The following PLCG1 variants were observed in gnomAD, a reference collection of about 807,000 sequenced individuals.
The protein encoded by PLCG1 is phospholipase C gamma 1.
PLCG1 carries 71 observed loss-of-function variants against 177.8 expected under a neutral mutation model. The ratio of observed to expected loss-of-function variants is 0.40; its 90% CI spans 0.33 to 0.49. The LOEUF (loss-of-function observed/expected upper bound fraction) is 0.49, where lower values mean the gene tolerates loss of function less well. Ranked by LOEUF, PLCG1 falls within the 20% of genes least tolerant of loss-of-function variation. The pLI is 0.72. For synonymous variants in PLCG1, 658 were observed against 647.9 expected, an observed-to-expected ratio of 1.02 and a Z score of -0.24; for missense variants, 1,281 against 1,709.0, an observed-to-expected ratio of 0.75 and a Z score of 4.42.
intron 1 of PLCG1, among the ~76,000 whole-genome samples, chr20:41,158,280 G>C (rs2146028912): frequency 6.6e-6 from 1 of 152,240 alleles, no homozygotes; most frequent in East Asian, 1.9e-4. Flanking sequence ...CTGGGGTGGG[G>C]GCTGGCCAGG....
At position 41,163,051 on chromosome 20, in the gene PLCG1, G is replaced by T. The variant is rs1316201906; in HGVS notation, c.716+59G>T. The T allele has an allele frequency of 5.1e-6, 8 of 1,568,260 alleles. No individual in the cohort carries two copies. Among genetic ancestry groups the T allele is most frequent in the Admixed American group, 1.7e-5 (1 of 59,920 alleles). On this transcript the variant is annotated intron_variant, in intron 7 of 31. Coordinates refer to ENST00000685551, the MANE Select transcript of PLCG1 (RefSeq NM_002660.3). This position sits in a 1 kb window ranked among gnomAD's most constrained non-coding sequence, Gnocchi z 5.2. ...TGGGCCCCCTTCATCTCTCCACTGG[G>T]CGATTCTTGATCCAGGTGGGAGGCA...
At position 41,145,617 on chromosome 20, in the gene PLCG1, A is replaced by T. The variant is rs990844555; in HGVS notation, c.217+7759A>T. ...GCCACTCATCACACTTGCTTCCCAGAGCTTTGCTGGGTGTGCTGAAGTCTC... is the reference window on the plus strand; with the variant it reads ...GCCACTCATCACACTTGCTTCCCAGTGCTTTGCTGGGTGTGCTGAAGTCTC... On this transcript the variant is annotated intron_variant, in intron 1 of 31. Coordinates refer to ENST00000685551, the MANE Select transcript of PLCG1 (RefSeq NM_002660.3). Among the ~76,000 whole-genome samples, 34 of 152,030 alleles carry T rather than the reference A, an allele frequency of 2.2e-4. 1 individual carries two copies. The highest frequency in any genetic ancestry group is 8.2e-4 in the African/African-American group (34 of 41,440).
Position 41,144,741 on chromosome 20 carries a change from C to A in PLCG1, c.217+6883C>A, listed in dbSNP as rs1322082949. On this transcript the variant is annotated intron_variant, in intron 1 of 31. Transcript: ENST00000685551. This position sits in a 1 kb window ranked among gnomAD's most constrained non-coding sequence, Gnocchi z 4.1. ...AATTTGTCATACATTTGTTGTGGGCCTTGCTACTGTGTGTTGGGCACACTG... is the reference window on the plus strand; with the variant it reads ...AATTTGTCATACATTTGTTGTGGGCATTGCTACTGTGTGTTGGGCACACTG... Among the ~76,000 whole-genome samples the A allele has an allele frequency of 6.6e-6, 1 of 152,124 alleles. No homozygotes were observed. The highest frequency in any genetic ancestry group is 2.4e-5 in the African/African-American group (1 of 41,416).
intron 20 of PLCG1, 98 bp from the exon 21 acceptor site, chr20:41,168,669 A>G (rs1184464303): frequency 2.8e-6 from 2 of 722,100 alleles, no homozygotes; most frequent in Non-Finnish European, 5.0e-6. Flanking sequence ...GACCCCAGGC[A>G]GGGAAGCCCA....
Position 41,172,367 on chromosome 20 carries a change from C to T in PLCG1, c.2906-54C>T, listed in dbSNP as rs1046953497. ...TGCAAAAAGAGTATTTAGGTATCCC[C>T]CCAACACTTCCTGGGTGGGCGGGCT... On this transcript the variant is annotated intron_variant, in intron 25 of 31. Coordinates refer to ENST00000685551, the MANE Select transcript of PLCG1 (RefSeq NM_002660.3). This position sits in a 1 kb window ranked among gnomAD's most constrained non-coding sequence, Gnocchi z 7.0. 3.5e-5 allele frequency: 55 copies of T among 1,583,908 alleles called. No homozygotes were observed. The highest frequency in any genetic ancestry group is 4.3e-5 in the Non-Finnish European group (50 of 1,152,648).
Position 41,174,448 on chromosome 20 carries a change from A to G in PLCG1, c.3834-19A>G. ...CAAGGCCCTGCCTGCCAGTAAGGAC[A>G]CTCTTCCCTTCTGTCCAGGGCCCCA... On this transcript the variant is annotated intron_variant, in intron 31 of 31. Transcript: ENST00000685551. This position sits in a 1 kb window ranked among gnomAD's most constrained non-coding sequence, Gnocchi z 5.8. 2 of 1,591,764 alleles carry G rather than the reference A, an allele frequency of 1.3e-6. No homozygotes were observed. The highest frequency in any genetic ancestry group is 2.3e-5 in the South Asian group (2 of 88,310).
rs1166685113 is a variant in PLCG1, at chr20:41,163,444, C to A, written c.856C>A (p.Arg286=). The A allele has an allele frequency of 2.5e-6, 4 of 1,612,318 alleles. No individual in the cohort carries two copies. Among genetic ancestry groups the A allele is most frequent in the African/African-American group, 1.3e-5 (1 of 74,950 alleles). The change falls in exon 9 of 32, where the codon CGA becomes AGA. Residue 286 remains arginine, a synonymous_variant. Transcript: ENST00000685551. This position sits in a 1 kb window ranked among gnomAD's most constrained non-coding sequence, Gnocchi z 5.2. ...FMLSFLRDPL[R]EIEEPYFFLD... is the part of the protein sequence containing the mutation. ...GCTCAGCTTCCTCCGAGACCCCTTA[C>A]GAGAGATCGAGGAGCCATACTTCTT...
Position 41,167,639 on chromosome 20 carries a change from G to A in PLCG1, c.2302-213G>A, listed in dbSNP as rs1349629391. The A allele has an allele frequency of 3.5e-6, 2 of 576,684 alleles. No homozygotes were observed. The highest frequency in any genetic ancestry group is 1.9e-5 in the African/African-American group (1 of 53,274). 35.7% of individuals were successfully genotyped at this position (576,684 alleles called of 1,614,324 possible). ...CTGAGAGATTTTAGAATCCTGGGCT[G>A]GGCCTTACATGTAAGAATGTGAAGA... On this transcript the variant is annotated intron_variant, in intron 19 of 31. Coordinates refer to ENST00000685551, the MANE Select transcript of PLCG1 (RefSeq NM_002660.3). This position sits in a 1 kb window ranked among gnomAD's most constrained non-coding sequence, Gnocchi z 4.4.
chr20:41,163,672 G>C lies in PLCG1; in HGVS notation c.892-43G>C. 7.2e-7 allele frequency: 1 copy of C among 1,380,596 alleles called. No homozygotes were observed. The highest frequency in any genetic ancestry group is 1.0e-6 in the Non-Finnish European group (1 of 967,330). The allele number at this position is 1,380,596 out of a possible 1,614,324, so 85.5% of individuals were successfully genotyped here. A position where few individuals can be genotyped will look rare whatever the true frequency, so the allele number is the denominator to read the frequency against. On this transcript the variant is annotated intron_variant, in intron 9 of 31. Coordinates refer to ENST00000685551, the MANE Select transcript of PLCG1 (RefSeq NM_002660.3). This position sits in a 1 kb window ranked among gnomAD's most constrained non-coding sequence, Gnocchi z 5.2. ...AACCTACCATCTTGGGTTGGACAGGGCAGGGACTCACTGTCTCTTCCCTTC... is the reference window on the plus strand; with the variant it reads ...AACCTACCATCTTGGGTTGGACAGGCCAGGGACTCACTGTCTCTTCCCTTC...
Position 41,165,557 on chromosome 20 carries a change from G to A in PLCG1, c.1611+6G>A, listed in dbSNP as rs1358577580. ...ATGAGGAGGAGCCCAAGGAGGTGAG[G>A]AACCAGCTCAGGTCTGGGGGCTGGG... is the stretch of plus-strand genomic sequence containing the variant. On this transcript the variant is annotated splice_donor_region_variant and intron_variant, in intron 15 of 31. Transcript: ENST00000685551. The surrounding 1 kb of genome is among the most constrained non-coding windows in gnomAD (Gnocchi z 6.6). 15 of 1,613,562 alleles carry A rather than the reference G, an allele frequency of 9.3e-6. No individual in the cohort carries two copies. Among genetic ancestry groups the A allele is most frequent in the Non-Finnish European group, 1.2e-5 (14 of 1,179,514 alleles).
In PLCG1 at chr20:41,147,830, A is replaced by G. The variant is rs1388108292; in HGVS notation, c.217+9972A>G. Reference sequence around the variant, plus strand: ...GCCATTGCACTCCAGCCTGGGTGACAGAGCAAGACTCTGTCTCTTTAAAAA... The same window carrying G: ...GCCATTGCACTCCAGCCTGGGTGACGGAGCAAGACTCTGTCTCTTTAAAAA... On this transcript the variant is annotated intron_variant, in intron 1 of 31. Coordinates refer to ENST00000685551, the MANE Select transcript of PLCG1 (RefSeq NM_002660.3). This position sits in a 1 kb window ranked among gnomAD's most constrained non-coding sequence, Gnocchi z 4.0. 2.6e-5 allele frequency among the ~76,000 whole-genome samples: 4 copies of G among 151,902 alleles called. No individual in the cohort carries two copies. The highest frequency in any genetic ancestry group is 9.7e-5 in the African/African-American group (4 of 41,350).
chr20:41,165,074 C>G lies in PLCG1; in HGVS notation c.1359C>G (p.Asn453Lys). Residue 453 changes from asparagine (N) to lysine (K), a missense_variant, in exon 13 of 32, where the codon AAC (asparagine) becomes AAG (lysine). Physicochemically the swap from Asn to Lys is moderately conservative, Grantham distance 94. Around this residue, in one of 4 missense-constraint regions of PLCG1, gnomAD observed 723 missense variants for 1,030.0 expected, o/e 0.70. Coordinates refer to ENST00000685551, the MANE Select transcript of PLCG1 (RefSeq NM_002660.3). This position sits in a 1 kb window ranked among gnomAD's most constrained non-coding sequence, Gnocchi z 6.6. ...CTGCCGACGGGCTCCCCTCACCCAA[C>G]CAGCTTAAGAGGAAGATCCTCATCA... ...EISADGLPSP[N>K]QLKRKILIKH... is the part of the protein sequence containing the mutation. The G allele has an allele frequency of 6.2e-7, 1 of 1,612,944 alleles. No individual in the cohort carries two copies. Among genetic ancestry groups the G allele is most frequent in the South Asian group, 1.1e-5 (1 of 90,862 alleles).
chr20:41,163,537 C>A lies in PLCG1; in HGVS notation c.891+58C>A. The A allele has an allele frequency of 2.3e-6, 3 of 1,301,876 alleles. No individual in the cohort carries two copies. The highest frequency in any genetic ancestry group is 1.7e-5 in the Admixed American group (1 of 59,400). The allele number at this position is 1,301,876 out of a possible 1,614,324, so 80.6% of individuals were successfully genotyped here. ...GAGAATGAGTAGGGGTGACCAGGAC[C>A]CCACCCGGGCTCCAGGAGCTAGACG... On this transcript the variant is annotated intron_variant, in intron 9 of 31. Transcript: ENST00000685551. This position sits in a 1 kb window ranked among gnomAD's most constrained non-coding sequence, Gnocchi z 5.2.
Position 41,166,255 on chromosome 20 carries a change from T to G in PLCG1, c.1861T>G (p.Phe621Val). Residue 621 changes from phenylalanine to valine, a missense_variant, in exon 17 of 32, where the codon TTC becomes GTC. Physicochemically the swap from Phe to Val is conservative, Grantham distance 50. Coordinates refer to ENST00000685551, the MANE Select transcript of PLCG1 (RefSeq NM_002660.3). This position sits in a 1 kb window ranked among gnomAD's most constrained non-coding sequence, Gnocchi z 8.6. ...HSRQDAGTPKFFLTDNLVFDS... is the reference protein window; with the variant it reads ...HSRQDAGTPKVFLTDNLVFDS... ...CCGGCAAGATGCTGGGACCCCCAAG[T>G]TCTTCTTGACAGACAACCTCGTCTT... The G allele has an allele frequency of 6.2e-7, 1 of 1,614,140 alleles. No individual in the cohort carries two copies. The highest frequency in any genetic ancestry group is 8.5e-7 in the Non-Finnish European group (1 of 1,180,026).
chr20:41,169,151 C>T lies in PLCG1; in HGVS notation c.2556C>T (p.Pro852=), dbSNP rs762834552. ...PSNYVEEMVN[P]VALEPEREHL... Reference sequence around the variant, plus strand: ...ACTACGTGGAAGAGATGGTCAACCCCGTGGCCCTGGAGCCGGAGAGGGAGG... The same window carrying T: ...ACTACGTGGAAGAGATGGTCAACCCTGTGGCCCTGGAGCCGGAGAGGGAGG... The change falls in exon 22 of 32, where the codon CCC becomes CCT. Residue 852 remains proline, a synonymous_variant. Transcript: ENST00000685551. 22 of 1,613,420 alleles carry T rather than the reference C, an allele frequency of 1.4e-5. No individual in the cohort carries two copies. The highest frequency in any genetic ancestry group is 8.9e-5 in the East Asian group (4 of 44,868).
At chr20:41,154,658 C>A (rs2035263940) in intron 1 of PLCG1, among the ~76,000 whole-genome samples, 1 of 152,068 alleles carries the variant, frequency 6.6e-6, no homozygotes, top group South Asian at 2.1e-4. Flanking sequence ...CAGGAAGCAG[C>A]CCTACCTTCA....
chr20:41,168,959 TG>T, intron 21 of PLCG1, 89 bp downstream of exon 21: 1 of 1,133,036 alleles, frequency 8.8e-7, no homozygotes, highest in Non-Finnish European at 1.3e-6. Context: ...GCTTGTCTCC[TG>T]TGTGCACCAG....
chr20:41,140,353 G>C (rs1003506428), intron 1 of PLCG1, among the ~76,000 whole-genome samples: 1 of 152,190 alleles, frequency 6.6e-6, no homozygotes, highest in African/African-American at 2.4e-5. Flanking sequence ...GGTGGGTTCT[G>C]ATCCCTGCGG....
Position 41,173,820 on chromosome 20 carries a change from A to G in PLCG1, c.3556+7A>G. 6.2e-7 allele frequency: 1 copy of G among 1,612,980 alleles called. No homozygotes were observed. ...GTAAAAGGCCTGAAGACAGGTGAGG[A>G]CCATTCCTGGAGGCAGTGCCCCTGC... On this transcript the variant is annotated splice_region_variant and intron_variant, in intron 29 of 31. Coordinates refer to ENST00000685551, the MANE Select transcript of PLCG1 (RefSeq NM_002660.3). The surrounding 1 kb of genome is among the most constrained non-coding windows in gnomAD (Gnocchi z 6.2).
Sources: allele counts gnomAD v4.1 joint callset (sites outside exome capture counted in the v4.1 genomes callset), GRCh38; gene constraint gnomAD v4.1.1; regional missense constraint gnomAD v4.1.1; non-coding constraint Gnocchi (gnomAD v3.1); transcripts MANE v1.5; gene names NCBI Gene and HGNC (gene_info 2026-07-23, HGNC 2026-07-21).